The following PTPN22 variants were observed in gnomAD, a reference collection of about 807,000 sequenced individuals.
PTPN22 encodes protein tyrosine phosphatase non-receptor type 22.
In PTPN22, 85 loss-of-function variants were observed where a neutral mutation model predicts 103.3. The observed-to-expected ratio is 0.82, with a 90% confidence interval of 0.69 to 0.99. The LOEUF (loss-of-function observed/expected upper bound fraction) is 0.99. Among genes scored for constraint, PTPN22 ranks in the 50% least tolerant of loss-of-function variants. The pLI is 0.00. For synonymous variants in PTPN22, 323 were observed against 310.2 expected (o/e 1.04, Z -0.43); for missense variants, 865 against 936.9 (o/e 0.92, Z 1.00).
intron 15 of PTPN22, 121 bp from the exon 16 acceptor site, chr1:113,833,259 T>C: frequency 1.5e-6 from 1 of 662,450 alleles, no homozygotes. Flanking sequence ...AATTATGAAA[T>C]GTAGACCCTA....
At chr1:113,838,657 A>G in intron 11 of PTPN22, 37 bp from the exon 12 acceptor site, 1 of 1,593,038 alleles carries the variant, frequency 6.3e-7, no homozygotes, top group South Asian at 1.2e-5. Context: ...GTTTTCAGTG[A>G]AGCAATGTCA....
intron 1 of PTPN22, among the ~76,000 whole-genome samples, chr1:113,862,516 G>A (rs766946107): frequency 6.6e-5 from 10 of 151,984 alleles, no homozygotes; most frequent in African/African-American, 1.9e-4. Flanking sequence ...CTAGAAATTC[G>A]GATTGAGTCA....
At chr1:113,825,521 G>A (rs1661969639) in intron 18 of PTPN22, among the ~76,000 whole-genome samples, 1 of 152,028 alleles carries the variant, frequency 6.6e-6, no homozygotes. Context: ...AACATAGCAA[G>A]ACCCCTGTCC....
At chr1:113,870,970 C>CTACA (rs1666527900) in intron 1 of PTPN22, among the ~76,000 whole-genome samples, 1 of 152,100 alleles carries the variant, frequency 6.6e-6, no homozygotes, top group Non-Finnish European at 1.5e-5. Context: ...GAGTTCAAGG[C>CTACA]TACAGTGAGC....
chr1:113,857,717 A>G, intron 5 of PTPN22, 21 bp downstream of exon 5: 2 of 1,604,398 alleles, frequency 1.2e-6, no homozygotes, highest in Non-Finnish European at 1.7e-6. Flanking sequence ...TAAGGTCAGC[A>G]GGTACTAGAA....
At chr1:113,843,502 G>A (rs931961249) in intron 11 of PTPN22, among the ~76,000 whole-genome samples, 2 of 152,150 alleles carry the variant, frequency 1.3e-5, no homozygotes, top group African/African-American at 4.8e-5. Flanking sequence ...GAGACAGAAA[G>A]TAGAAGGATG....
exon 13 of PTPN22, chr1:113,837,965 A>G: frequency 2.5e-6 from 4 of 1,614,114 alleles, no homozygotes; most frequent in Non-Finnish European, 3.4e-6. Flanking sequence ...ACAAAACAAG[A>G]ATCATGTGGT....
chr1:113,826,095 C>T (rs910172413), intron 18 of PTPN22, among the ~76,000 whole-genome samples: 1 of 151,886 alleles, frequency 6.6e-6, no homozygotes, highest in Non-Finnish European at 1.5e-5. Flanking sequence ...CCTGTAATTC[C>T]AGCACTTTGG....
chr1:113,839,976 C>T (rs756331458), intron 11 of PTPN22, among the ~76,000 whole-genome samples: 11 of 151,894 alleles, frequency 7.2e-5, no homozygotes, highest in African/African-American at 2.4e-4. Flanking sequence ...CTTTGGGAGG[C>T]CAAGGTGAGT....
chr1:113,837,172 C>T (rs1663087569), intron 13 of PTPN22, among the ~76,000 whole-genome samples: 1 of 152,120 alleles, frequency 6.6e-6, no homozygotes, highest in African/African-American at 2.4e-5. Context: ...AGGAAGCAGG[C>T]TAGGCGTGGT....
chr1:113,831,993 T>TA (rs1558024836), intron 16 of PTPN22, among the ~76,000 whole-genome samples: 1 of 152,222 alleles, frequency 6.6e-6, no homozygotes, highest in South Asian at 2.1e-4. Flanking sequence ...TGACAAGTAC[T>TA]ACGCTAAAAG....
At chr1:113,850,154 A>G (rs1664434124) in intron 10 of PTPN22, among the ~76,000 whole-genome samples, 1 of 151,260 alleles carries the variant, frequency 6.6e-6, no homozygotes, top group African/African-American at 2.4e-5. Context: ...CCAAGATCGC[A>G]CCATTGCACT....
At position 113,869,398 on chromosome 1, in the gene PTPN22, ATT is replaced by A. The variant is rs35623739; in HGVS notation, c.87+2137_87+2138del. ...GTAAAATATTAGGGATATAGTCTAC[ATT>A]TTTTTTTTTTTGAGACAGAAGTTCG... is the stretch of plus-strand genomic sequence containing the variant. On this transcript the variant is annotated intron_variant, in intron 1 of 20. Coordinates refer to ENST00000359785, the Ensembl canonical transcript of PTPN22. 6.7e-4 allele frequency among the ~76,000 whole-genome samples: 100 copies of A among 148,526 alleles called. 2 individuals carry two copies. Among genetic ancestry groups the A allele is most frequent in the Admixed American group, 3.8e-3 (56 of 14,900 alleles).
In PTPN22 at chr1:113,822,654, G is replaced by A. The variant is rs1021659569; in HGVS notation, c.2281+2488C>T. Among the ~76,000 whole-genome samples the A allele has an allele frequency of 5.9e-5, 9 of 152,096 alleles. No homozygotes were observed. In the East Asian group the frequency reaches 1.5e-3, roughly 26 times the overall value. Reference sequence around the variant, plus strand: ...GCTCCTTCATGTTTTGGGTTCAGTTGTCACTTCCTTAAAAAGGGTTTCTTG... The same window carrying A: ...GCTCCTTCATGTTTTGGGTTCAGTTATCACTTCCTTAAAAAGGGTTTCTTG... On this transcript the variant is annotated intron_variant, in intron 19 of 20. Transcript: ENST00000359785.
intron 16 of PTPN22, among the ~76,000 whole-genome samples, chr1:113,831,306 G>A (rs1417291476): frequency 6.6e-6 from 1 of 152,062 alleles, no homozygotes; most frequent in Non-Finnish European, 1.5e-5. Flanking sequence ...CACATTCACA[G>A]TATTGTACAA....
intron 11 of PTPN22, among the ~76,000 whole-genome samples, chr1:113,847,851 C>A (rs1664234542): frequency 6.6e-6 from 1 of 151,770 alleles, no homozygotes; most frequent in African/African-American, 2.4e-5. Context: ...AAAACCCCAC[C>A]TTGGCCTCCC....
chr1:113,825,084 A>G, intron 19 of PTPN22, 58 bp downstream of exon 19: 1 of 1,240,094 alleles, frequency 8.1e-7, no homozygotes, highest in South Asian at 1.4e-5. Context: ...GGTTGGTTAT[A>G]TAAATAAAAA....
intron 1 of PTPN22, among the ~76,000 whole-genome samples, chr1:113,863,674 G>A (rs1232041168): frequency 6.6e-6 from 1 of 151,998 alleles, no homozygotes; most frequent in Admixed American, 6.6e-5. Flanking sequence ...TAACTGTTTG[G>A]TTAGTATCAT....
intron 17 of PTPN22, 94 bp from the exon 18 acceptor site, chr1:113,829,801 G>T: frequency 1.7e-6 from 2 of 1,197,264 alleles, no homozygotes; most frequent in Non-Finnish European, 2.4e-6. Flanking sequence ...GCTTTTTTAG[G>T]CATTATTTTG....
Sources: gnomAD v4.1 joint callset for allele counts (sites outside exome capture counted in the v4.1 genomes callset) on GRCh38, gnomAD v4.1.1 for gene constraint, MANE v1.5 for transcripts, NCBI Gene and HGNC (gene_info 2026-07-23, HGNC 2026-07-21) for gene names.